Variants in DLGAP1 observed in about 807,000 individuals in gnomAD.
DLGAP1 encodes DLG associated protein 1, also known as disks large-associated protein 1.
Under a neutral mutation model 90.8 loss-of-function variants are expected in DLGAP1, and 11 were observed. That is an observed-to-expected ratio of 0.12 (90% CI 0.08 to 0.20). The LOEUF (loss-of-function observed/expected upper bound fraction) is 0.20, where lower values mean the gene tolerates loss of function less well. DLGAP1 is among the 10% of genes least tolerant of loss of function. The probability of loss-of-function intolerance (pLI) is 1.00; values close to 1 mark genes in which losing one functional copy is unlikely to be tolerated. For synonymous variants in DLGAP1, 558 were observed against 540.7 expected, an observed-to-expected ratio of 1.03 and a Z score of -0.44; for missense variants, 1,050 against 1,333.8, an observed-to-expected ratio of 0.79 and a Z score of 3.31.
intron 5 of DLGAP1, among the ~76,000 whole-genome samples, chr18:3,773,818 A>G (rs760814398): frequency 1.1e-4 from 16 of 152,236 alleles, no homozygotes; most frequent in South Asian, 2.1e-4. Context: ...TTAGAGGGAA[A>G]TGGATATAAA....
At chr18:4,010,102 G>C (rs1359548659) in intron 2 of DLGAP1, among the ~76,000 whole-genome samples, 1 of 152,078 alleles carries the variant, frequency 6.6e-6, no homozygotes, top group African/African-American at 2.4e-5. Flanking sequence ...CATGATACAG[G>C]GTTACACACC....
At chr18:4,145,386 ATTAAC>A (rs947797859) in intron 2 of DLGAP1, among the ~76,000 whole-genome samples, 3 of 152,218 alleles carry the variant, frequency 2.0e-5, no homozygotes, top group African/African-American at 4.8e-5. Context: ...CTCAGAACAC[ATTAAC>A]TTGAGAGGAT....
chr18:3,999,916 A>G (rs1255042824), intron 3 of DLGAP1, among the ~76,000 whole-genome samples: 1 of 152,104 alleles, frequency 6.6e-6, no homozygotes, highest in Non-Finnish European at 1.5e-5. Context: ...GACTCAAGGG[A>G]TTGTCCTGCC....
intron 1 of DLGAP1, among the ~76,000 whole-genome samples, chr18:4,158,417 CT>C (rs2076791626): frequency 6.6e-6 from 1 of 152,124 alleles, no homozygotes; most frequent in Non-Finnish European, 1.5e-5. Context: ...AATAAGGGAC[CT>C]GCATTTTCAC....
intron 7 of DLGAP1, among the ~76,000 whole-genome samples, chr18:3,694,340 A>G (rs918584591): frequency 5.3e-5 from 8 of 152,192 alleles, no homozygotes; most frequent in South Asian, 2.1e-4. Context: ...TAGTGCTGCA[A>G]TAAACATATG....
intron 7 of DLGAP1, among the ~76,000 whole-genome samples, chr18:3,682,941 T>C (rs2060572850): frequency 6.6e-6 from 1 of 151,706 alleles, no homozygotes. Flanking sequence ...CACGGCAACC[T>C]CTGCCTCCCA....
chr18:4,070,870 T>TA (rs2075437341), intron 2 of DLGAP1, among the ~76,000 whole-genome samples: 1 of 152,034 alleles, frequency 6.6e-6, no homozygotes, highest in Admixed American at 6.6e-5. Flanking sequence ...TATTAAAAAA[T>TA]AAAAAAGTGA....
At chr18:4,180,412 TTCC>T in intron 1 of DLGAP1, among the ~76,000 whole-genome samples, 1 of 152,206 alleles carries the variant, frequency 6.6e-6, no homozygotes, top group South Asian at 2.1e-4. Flanking sequence ...TTTCCCAAAA[TTCC>T]ACACATTTGA....
At chr18:3,676,557 C>T (rs2060309440) in intron 7 of DLGAP1, among the ~76,000 whole-genome samples, 1 of 152,128 alleles carries the variant, frequency 6.6e-6, no homozygotes, top group African/African-American at 2.4e-5. Context: ...TATAAGCTGG[C>T]TTCAAGGTCC....
intron 6 of DLGAP1, among the ~76,000 whole-genome samples, chr18:3,730,103 T>C (rs761100496): frequency 6.6e-6 from 1 of 152,190 alleles, no homozygotes; most frequent in Non-Finnish European, 1.5e-5. Context: ...AAAAAGCCCA[T>C]ATGGGCTGAC....
chr18:4,191,405 G>A (rs1309691244), intron 1 of DLGAP1, among the ~76,000 whole-genome samples: 2 of 152,102 alleles, frequency 1.3e-5, no homozygotes, highest in Non-Finnish European at 2.9e-5. Context: ...AAGTCTGCCA[G>A]TCCTCTATAG....
intron 2 of DLGAP1, among the ~76,000 whole-genome samples, chr18:4,114,875 T>C (rs1477957055): frequency 6.6e-6 from 1 of 152,136 alleles, no homozygotes; most frequent in African/African-American, 2.4e-5. Context: ...AGAGAGTATA[T>C]AGTTGGGCTT....
intron 1 of DLGAP1, among the ~76,000 whole-genome samples, chr18:4,159,678 A>T (rs1024035165): frequency 6.6e-6 from 1 of 152,220 alleles, no homozygotes; most frequent in Non-Finnish European, 1.5e-5. Flanking sequence ...AAAAAAATGA[A>T]GTAATGTGTA....
Position 4,021,002 on chromosome 18 carries a change from C to T in DLGAP1, c.-158-15801G>A, listed in dbSNP as rs367963157. 2.6e-5 allele frequency among the ~76,000 whole-genome samples: 4 copies of T among 152,154 alleles called. No individual in the cohort carries two copies. The East Asian group carries it at 5.8e-4, about 22-fold the overall frequency. On this transcript the variant is annotated intron_variant, in intron 2 of 12. Coordinates refer to ENST00000315677, the MANE Select transcript of DLGAP1 (RefSeq NM_004746.4). ...GCAATCCCACCCATGAATAGTAGAC[C>T]GCAAGAAAAACTCACTTCGGCGCCT...
chr18:3,557,437 G>T (rs896198223), intron 9 of DLGAP1, among the ~76,000 whole-genome samples: 1 of 152,128 alleles, frequency 6.6e-6, no homozygotes, highest in African/African-American at 2.4e-5. Context: ...CAGGAGAATC[G>T]CTTGAACTTG....
chr18:3,794,426 G>T (rs1022097291), intron 5 of DLGAP1, among the ~76,000 whole-genome samples: 1 of 106,878 alleles, frequency 9.4e-6, no homozygotes, highest in Non-Finnish European at 2.0e-5. Flanking sequence ...AAAACTCTCC[G>T]TGTCAAAGTC....
intron 1 of DLGAP1, among the ~76,000 whole-genome samples, chr18:4,373,723 T>C (rs1461702206): frequency 1.3e-5 from 2 of 152,206 alleles, no homozygotes; most frequent in Non-Finnish European, 2.9e-5. Flanking sequence ...TATTAGCCCT[T>C]ATTTCTTTTC....
At chr18:3,821,686 G>T (rs752739454) in intron 4 of DLGAP1, among the ~76,000 whole-genome samples, 5 of 152,196 alleles carry the variant, frequency 3.3e-5, no homozygotes, top group Non-Finnish European at 7.3e-5. Flanking sequence ...ACAGTTTGGA[G>T]GAGGGAGTGG....
chr18:3,899,476 G>A (rs1287564432), intron 3 of DLGAP1, among the ~76,000 whole-genome samples: 1 of 152,194 alleles, frequency 6.6e-6, no homozygotes, highest in Non-Finnish European at 1.5e-5. Context: ...AATGTTAAAA[G>A]GATGTTGCTT....
Sources: gnomAD v4.1 joint callset for allele counts (sites outside exome capture counted in the v4.1 genomes callset) on GRCh38, gnomAD v4.1.1 for gene constraint, MANE v1.5 for transcripts, NCBI Gene and HGNC (gene_info 2026-07-23, HGNC 2026-07-21) for gene names.